The following C16orf95 variants were observed in gnomAD, a reference collection of about 807,000 sequenced individuals.
C16orf95 encodes the protein chromosome 16 open reading frame 95.
Under a neutral mutation model 32.1 loss-of-function variants are expected in C16orf95, and 41 were observed. The observed-to-expected ratio is 1.28, with a 90% CI of 1.00 to 1.66. C16orf95 has a LOEUF of 1.66. Ranked by LOEUF, C16orf95 falls within the 40% of genes most tolerant of loss-of-function variation. The pLI is 0.00. For synonymous variants in C16orf95, 147 were observed against 128.9 expected (o/e 1.14, Z -0.95); for missense variants, 399 against 325.9 (o/e 1.22, Z -1.73).
At position 87,305,552 on chromosome 16, in the gene C16orf95, C is replaced by T. The variant is rs1006186560; in HGVS notation, c.701+167G>A. ...TCTAGGTGACGCGGGGCAGAGCCTG[C>T]GCTGTGCAGAGCACCACAGGACACA... On this transcript the variant is annotated intron_variant, in intron 6 of 6. Coordinates refer to ENST00000567970, the MANE Select transcript of C16orf95 (RefSeq NM_001195124.3). This position sits in a 1 kb window ranked among gnomAD's most constrained non-coding sequence, Gnocchi z 4.2. 7.3e-6 allele frequency among the ~76,000 whole-genome samples: 1 copy of T among 137,792 alleles called. No individual in the cohort carries two copies. Among genetic ancestry groups the T allele is most frequent in the East Asian group, 2.3e-4 (1 of 4,372 alleles). The allele number at this position is 137,792 out of a possible 152,430, so 90.4% of individuals were successfully genotyped here. A position where few individuals can be genotyped will look rare whatever the true frequency, so the allele number is the denominator to read the frequency against.
Position 87,317,321 on chromosome 16 carries a change from C to T in C16orf95, c.-79G>A, listed in dbSNP as rs2150659064. On this transcript the variant is annotated 5_prime_UTR_variant, in exon 1 of 7. Coordinates refer to ENST00000567970, the MANE Select transcript of C16orf95 (RefSeq NM_001195124.3). ...GACGCCCTGGCTCCCGCCTTTCCCT[C>T]CTGCCCCAGGAGGAACCCAACCCGA... 6.9e-7 allele frequency: 1 copy of T among 1,450,428 alleles called. No homozygotes were observed. The highest frequency in any genetic ancestry group is 9.1e-7 in the Non-Finnish European group (1 of 1,100,208). 89.8% of individuals were successfully genotyped at this position (1,450,428 alleles called of 1,614,324 possible). A position where few individuals can be genotyped will look rare whatever the true frequency, so the allele number is the denominator to read the frequency against.
chr16:87,314,355 G>A (rs932855908), intron 3 of C16orf95, among the ~76,000 whole-genome samples: 6 of 152,184 alleles, frequency 3.9e-5, no homozygotes, highest in Non-Finnish European at 8.8e-5. Context: ...TGATGCCCAT[G>A]ATCACATAGA....
At chr16:87,313,581 C>T (rs1335202237) in intron 3 of C16orf95, among the ~76,000 whole-genome samples, 1 of 151,988 alleles carries the variant, frequency 6.6e-6, no homozygotes, top group Non-Finnish European at 1.5e-5. Context: ...GAAAAATAAA[C>T]AAAATTAGCC....
chr16:87,310,112 C>T (rs1017796328), intron 5 of C16orf95, among the ~76,000 whole-genome samples, 185 bp downstream of exon 5: 1 of 152,264 alleles, frequency 6.6e-6, no homozygotes, highest in South Asian at 2.1e-4. Context: ...TCTGGGCTCA[C>T]TGGGGGAAGG....
intron 1 of C16orf95, 144 bp downstream of exon 1, chr16:87,316,947 C>T: frequency 7.8e-7 from 1 of 1,287,878 alleles, no homozygotes; most frequent in South Asian, 1.7e-5. Flanking sequence ...CCATCAGTTG[C>T]GTTTTTGTTA....
At chr16:87,312,526 G>A (rs1193123589) in intron 3 of C16orf95, among the ~76,000 whole-genome samples, 2 of 137,890 alleles carry the variant, frequency 1.5e-5, no homozygotes, top group Non-Finnish European at 3.0e-5. Context: ...CCGAAATCAT[G>A]CCACTGCACT....
chr16:87,316,352 T>TC (rs1458561641), intron 1 of C16orf95, among the ~76,000 whole-genome samples: 1 of 152,148 alleles, frequency 6.6e-6, no homozygotes, highest in African/African-American at 2.4e-5. Flanking sequence ...CCTGTTCCAC[T>TC]CCCCAACAAA....
At chr16:87,308,418 T>C (rs1911121050) in intron 5 of C16orf95, among the ~76,000 whole-genome samples, 1 of 151,922 alleles carries the variant, frequency 6.6e-6, no homozygotes, top group Admixed American at 6.6e-5. Flanking sequence ...GAGGCGGAAG[T>C]TGTGGTGAGC....
At chr16:87,306,171 T>C in intron 5 of C16orf95, 1 of 318,216 alleles carries the variant, frequency 3.1e-6, no homozygotes, top group Non-Finnish European at 5.7e-6. Flanking sequence ...GTGCAATGTC[T>C]AGCTGGGACT....
At chr16:87,313,154 T>C (rs1293121663) in intron 3 of C16orf95, among the ~76,000 whole-genome samples, 2 of 147,688 alleles carry the variant, frequency 1.4e-5, no homozygotes, top group Non-Finnish European at 3.0e-5. Context: ...GGTACTTTTG[T>C]AGAAACTGAC....
In C16orf95 at chr16:87,315,010, C is replaced by T. The variant is rs778018055; in HGVS notation, c.291G>A (p.Leu97=). 6.5e-7 allele frequency: 1 copy of T among 1,536,130 alleles called. No homozygotes were observed. The highest frequency in any genetic ancestry group is 1.2e-5 in the South Asian group (1 of 84,064). The change falls in exon 3 of 7, where the codon CTG becomes CTA. Residue 97 remains leucine (L), a synonymous_variant. Transcript: ENST00000567970. ...RLPVSRVEAA[L]PYWVPLSLRP... is the part of the protein sequence containing the mutation. ...TCAGGGACAGAGGGACCCAGTAAGG[C>T]AGTGCTGCTTCCACCCTGGACACAG...
chr16:87,304,344 G>A (rs371566656), intron 6 of C16orf95, among the ~76,000 whole-genome samples: 1 of 59,752 alleles, frequency 1.7e-5, no homozygotes, highest in Non-Finnish European at 4.2e-5. Flanking sequence ...GTGGGCCACT[G>A]TGCCCGGCCT....
At chr16:87,308,957 T>C (rs1911148873) in intron 5 of C16orf95, among the ~76,000 whole-genome samples, 1 of 152,246 alleles carries the variant, frequency 6.6e-6, no homozygotes, top group African/African-American at 2.4e-5. Context: ...AGTTAGGGCA[T>C]GAACACGATG....
rs1240657780 is a variant in C16orf95, at chr16:87,305,323, C to T, written c.701+396G>A. Among the ~76,000 whole-genome samples the T allele has an allele frequency of 6.6e-6, 1 of 152,098 alleles. No homozygotes were observed. The highest frequency in any genetic ancestry group is 2.4e-5 in the African/African-American group (1 of 41,410). On this transcript the variant is annotated intron_variant, in intron 6 of 6. Coordinates refer to ENST00000567970, the MANE Select transcript of C16orf95 (RefSeq NM_001195124.3). The surrounding 1 kb of genome is among the most constrained non-coding windows in gnomAD (Gnocchi z 4.2). ...CAAGCTGGGGACAGGCAAGAGGTCC[C>T]CATACCTGAGGGGGTGCTCAGAGCT...
intron 1 of C16orf95, among the ~76,000 whole-genome samples, chr16:87,316,457 G>T (rs542329370): frequency 2.0e-5 from 3 of 152,302 alleles, no homozygotes; most frequent in Admixed American, 6.5e-5. Context: ...TGTGGAAACC[G>T]TAAGAGCGAT....
Position 87,305,902 on chromosome 16 carries a change from G to T in C16orf95, c.518C>A (p.Pro173His). ...GTGCCAGCAGCATGCATCCAGCAGG[G>T]GTGCTAGGCAAAGAAAAGGTGGGTT... is the stretch of plus-strand genomic sequence containing the variant. The part of the protein sequence containing the change: ...RQQSLKGIQA[P>H]LLDACCWHNC... Residue 173 changes from proline to histidine, a missense_variant, in exon 6 of 7, where the codon CCC becomes CAC. Coordinates refer to ENST00000567970, the MANE Select transcript of C16orf95 (RefSeq NM_001195124.3). The surrounding 1 kb of genome is among the most constrained non-coding windows in gnomAD (Gnocchi z 4.2). 7.1e-7 allele frequency: 1 copy of T among 1,414,564 alleles called. No homozygotes were observed. Among genetic ancestry groups the T allele is most frequent in the Non-Finnish European group, 9.2e-7 (1 of 1,088,626 alleles). The allele number at this position is 1,414,564 out of a possible 1,614,324, so 87.6% of individuals were successfully genotyped here.
In C16orf95 at chr16:87,304,594, C is replaced by T. The variant is rs570250371; in HGVS notation, c.701+1125G>A. On this transcript the variant is annotated intron_variant, in intron 6 of 6. Transcript: ENST00000567970. ...TGCTCAGAGACCAAACAGAGCTCAC[C>T]GCGCCCGCTCCTGGCCCCCTTCCCA... Among the ~76,000 whole-genome samples the T allele has an allele frequency of 5.3e-5, 8 of 152,374 alleles. No homozygotes were observed. The East Asian group carries it at 1.5e-3, about 29-fold the overall frequency.
chr16:87,308,643 G>A (rs546089817), intron 5 of C16orf95, among the ~76,000 whole-genome samples: 4 of 152,284 alleles, frequency 2.6e-5, no homozygotes, highest in South Asian at 2.1e-4. Flanking sequence ...ATGGGACCAC[G>A]TTCAGCTCTC....
rs1910954286 is a variant in C16orf95, at chr16:87,305,130, C to T, written c.701+589G>A. ...GAAGTAGCTGTTCCCCGAAGCCCAG[C>T]TGTGGCCCGGGGAGTGGCCCCGGAG... On this transcript the variant is annotated intron_variant, in intron 6 of 6. Coordinates refer to ENST00000567970, the MANE Select transcript of C16orf95 (RefSeq NM_001195124.3). The surrounding 1 kb of genome is among the most constrained non-coding windows in gnomAD (Gnocchi z 4.2). 6.6e-6 allele frequency among the ~76,000 whole-genome samples: 1 copy of T among 152,172 alleles called. No individual in the cohort carries two copies. Among genetic ancestry groups the T allele is most frequent in the African/African-American group, 2.4e-5 (1 of 41,444 alleles).
Sources: gnomAD v4.1 joint callset for allele counts (sites outside exome capture counted in the v4.1 genomes callset) on GRCh38, gnomAD v4.1.1 for gene constraint, Gnocchi (gnomAD v3.1) non-coding constraint, MANE v1.5 for transcripts, NCBI Gene and HGNC (gene_info 2026-07-23, HGNC 2026-07-21) for gene names.